The following ADGRV1 variants were observed in gnomAD, a reference collection of about 807,000 sequenced individuals.
ADGRV1 encodes the protein adhesion G protein-coupled receptor V1.
ADGRV1 carries 359 observed loss-of-function variants against 596.2 expected under a neutral mutation model. That is an observed-to-expected ratio of 0.60 (90% CI 0.55 to 0.66). ADGRV1 has a LOEUF of 0.66. Among genes scored for constraint, ADGRV1 ranks in the 30% least tolerant of loss-of-function variants. The probability of loss-of-function intolerance (pLI) is 0.00; values close to 1 mark genes in which losing one functional copy is unlikely to be tolerated. For synonymous variants in ADGRV1, 2,681 were observed against 2,679.2 expected (o/e 1.00, Z -0.02); for missense variants, 7,274 against 7,575.6 (o/e 0.96, Z 1.48).
intron 72 of ADGRV1, 107 bp from the exon 73 acceptor site, chr5:90,807,495 A>G (rs1470660806): frequency 2.7e-6 from 3 of 1,097,386 alleles, no homozygotes; most frequent in Non-Finnish European, 3.8e-6. Flanking sequence ...TTTGTGAACT[A>G]TAATTGAATT....
Position 90,647,610 on chromosome 5 carries a change from T to C in ADGRV1, c.3135T>C (p.Ala1045=). 6.2e-7 allele frequency: 1 copy of C among 1,613,992 alleles called. No individual in the cohort carries two copies. Among genetic ancestry groups the C allele is most frequent in the Non-Finnish European group, 8.5e-7 (1 of 1,179,882 alleles). ...MVQYATKDGK[A]TARERDFIPV... is the part of the protein sequence containing the mutation. Reference sequence around the variant, plus strand: ...AGTATGCTACCAAGGATGGGAAGGCTACTGCAAGAGAGAGAGATTTCATTC... The same window carrying C: ...AGTATGCTACCAAGGATGGGAAGGCCACTGCAAGAGAGAGAGATTTCATTC... Residue 1045 remains alanine (A), a synonymous_variant, in exon 17 of 90, where the codon GCT becomes GCC. Transcript: ENST00000405460.
At chr5:90,904,576 A>G (rs1772147048) in intron 83 of ADGRV1, among the ~76,000 whole-genome samples, 1 of 151,900 alleles carries the variant, frequency 6.6e-6, no homozygotes, top group Admixed American at 6.6e-5. Flanking sequence ...AGATATGCCT[A>G]TTCAGATTTT....
intron 3 of ADGRV1, among the ~76,000 whole-genome samples, 164 bp downstream of exon 3, chr5:90,618,117 A>C (rs1032118813): frequency 6.6e-6 from 1 of 152,148 alleles, no homozygotes; most frequent in African/African-American, 2.4e-5. Flanking sequence ...GCGCTTCCAC[A>C]ATCTGGTTAT....
chr5:91,148,218 T>G (rs748071860), intron 87 of ADGRV1, among the ~76,000 whole-genome samples: 8 of 152,114 alleles, frequency 5.3e-5, no homozygotes, highest in Non-Finnish European at 1.2e-4. Flanking sequence ...GCTGCAGAAA[T>G]TTGCATAAGT....
intron 5 of ADGRV1, among the ~76,000 whole-genome samples, chr5:90,624,671 T>C (rs923989275): frequency 2.6e-5 from 4 of 152,202 alleles, no homozygotes; most frequent in African/African-American, 9.6e-5. Flanking sequence ...GAGGGGAATT[T>C]GCTGTGTTCA....
intron 1 of ADGRV1, among the ~76,000 whole-genome samples, chr5:90,588,791 A>C (rs1759101059): frequency 6.6e-6 from 1 of 152,234 alleles, no homozygotes; most frequent in South Asian, 2.1e-4. Flanking sequence ...AGCTGAAGTT[A>C]GGGAAGCGGG....
At chr5:90,727,649 T>C (rs1022030603) in intron 48 of ADGRV1, among the ~76,000 whole-genome samples, 5 of 152,226 alleles carry the variant, frequency 3.3e-5, no homozygotes, top group African/African-American at 1.2e-4. Context: ...TGATTTGCCT[T>C]GGAAAGTACT....
chr5:91,087,723 A>G (rs934326332), intron 86 of ADGRV1, among the ~76,000 whole-genome samples: 4 of 152,210 alleles, frequency 2.6e-5, no homozygotes, highest in Non-Finnish European at 5.9e-5. Context: ...CCACTTTTCA[A>G]CCAATAAATC....
chr5:90,863,916 G>C (rs951564428), intron 83 of ADGRV1, 59 bp downstream of exon 83: 5 of 1,100,330 alleles, frequency 4.5e-6, no homozygotes, highest in Middle Eastern at 2.0e-4. Context: ...TTCTTCTTTG[G>C]TTCTTGAACT....
intron 83 of ADGRV1, among the ~76,000 whole-genome samples, chr5:90,916,663 C>T (rs548415266): frequency 6.7e-5 from 8 of 119,064 alleles, no homozygotes; most frequent in Admixed American, 5.6e-4. Flanking sequence ...GACGGAGTCT[C>T]GCTCTGTCGC....
Position 90,647,520 on chromosome 5 carries a change from G to A in ADGRV1, c.3045G>A (p.Gln1015=). Residue 1015 remains glutamine, a synonymous_variant, in exon 17 of 90, where the codon CAG becomes CAA. Transcript: ENST00000405460. ...CAGAACCTCGTGTAGTGAGGGTTCA[G>A]GAAGGTGAGACTGCCAACTTTACAG... is the stretch of plus-strand genomic sequence containing the variant. ...YFAEPRVVRV[Q]EGETANFTVL... is the part of the protein sequence containing the mutation. The A allele has an allele frequency of 6.2e-7, 1 of 1,613,284 alleles. No individual in the cohort carries two copies. Among genetic ancestry groups the A allele is most frequent in the Non-Finnish European group, 8.5e-7 (1 of 1,179,374 alleles).
At chr5:90,947,580 A>AT (rs1250140361) in intron 83 of ADGRV1, among the ~76,000 whole-genome samples, 1 of 151,976 alleles carries the variant, frequency 6.6e-6, no homozygotes, top group Non-Finnish European at 1.5e-5. Context: ...TGTAGACGGC[A>AT]TTAGAGTATT....
intron 83 of ADGRV1, among the ~76,000 whole-genome samples, chr5:90,940,280 G>T (rs1375086756): frequency 6.6e-6 from 1 of 152,208 alleles, no homozygotes; most frequent in Non-Finnish European, 1.5e-5. Flanking sequence ...AGCACACTCA[G>T]TGTTCAAACT....
At chr5:90,815,820 C>CTATAATATATTCA in intron 75 of ADGRV1, 84 bp downstream of exon 75, 1 of 815,066 alleles carries the variant, frequency 1.2e-6, no homozygotes, top group South Asian at 1.6e-5. Flanking sequence ...TGGTGGAGGG[C>CTATAATATATTCA]AGGGTAAGAT....
chr5:90,681,271 G>C (rs777236654), intron 26 of ADGRV1, 44 bp from the exon 27 acceptor site: 52 of 1,595,746 alleles, frequency 3.3e-5, no homozygotes, highest in South Asian at 9.1e-5. Context: ...GTAAATTACT[G>C]ATCATCATTT....
intron 42 of ADGRV1, among the ~76,000 whole-genome samples, chr5:90,714,005 T>A (rs1163410419): frequency 6.6e-6 from 1 of 152,144 alleles, no homozygotes; most frequent in African/African-American, 2.4e-5. Context: ...ATAAATATCC[T>A]TTTACATAAA....
chr5:91,114,848 G>A (rs1792711998), intron 87 of ADGRV1, among the ~76,000 whole-genome samples: 1 of 152,170 alleles, frequency 6.6e-6, no homozygotes, highest in South Asian at 2.1e-4. Flanking sequence ...GGAACATGCT[G>A]TCATTTCCTT....
chr5:90,643,146 T>A, intron 13 of ADGRV1, 105 bp downstream of exon 13: 1 of 1,058,882 alleles, frequency 9.4e-7, no homozygotes, highest in Non-Finnish European at 1.3e-6. Flanking sequence ...AGGAAAGAGG[T>A]GGGCAAGAAA....
intron 3 of ADGRV1, among the ~76,000 whole-genome samples, chr5:90,618,861 GAGTC>G (rs1223384763): frequency 6.6e-6 from 1 of 151,696 alleles, no homozygotes; most frequent in African/African-American, 2.4e-5. Flanking sequence ...ATATTATTAA[GAGTC>G]AGTGACTAAT....
Sources: allele counts gnomAD v4.1 joint callset (sites outside exome capture counted in the v4.1 genomes callset), GRCh38; gene constraint gnomAD v4.1.1; transcripts MANE v1.5; gene names NCBI Gene and HGNC (gene_info 2026-07-23, HGNC 2026-07-21).